The following ZNF839 variants were observed in gnomAD, a reference collection of about 807,000 sequenced individuals.
ZNF839 encodes the protein zinc finger protein 839, also known as renal carcinoma antigen NY-REN-50.
A neutral mutation model predicts 56.4 loss-of-function variants in ZNF839; 38 were observed. The ratio of observed to expected loss-of-function variants is 0.67; its 90% CI spans 0.52 to 0.88. The LOEUF (loss-of-function observed/expected upper bound fraction) is 0.88, where lower values mean the gene tolerates loss of function less well. Ranked by LOEUF, ZNF839 falls within the 40% of genes least tolerant of loss-of-function variation. The pLI, the probability that ZNF839 is intolerant of heterozygous loss-of-function variation, is 0.00. For synonymous variants in ZNF839, 486 were observed against 493.5 expected, an observed-to-expected ratio of 0.98 and a Z score of 0.20; for missense variants, 1,091 against 1,177.6, an observed-to-expected ratio of 0.93 and a Z score of 1.08.
At chr14:102,338,739 A>G in intron 5 of ZNF839, 77 bp from the exon 6 acceptor site, 1 of 1,591,128 alleles carries the variant, frequency 6.3e-7, no homozygotes, top group South Asian at 1.1e-5. Context: ...AAGTCGTTTA[A>G]TTCTTGCATG....
At chr14:102,329,690 TATTA>T (rs749337692) in intron 2 of ZNF839, among the ~76,000 whole-genome samples, 9 of 149,834 alleles carry the variant, frequency 6.0e-5, no homozygotes, top group Non-Finnish European at 1.0e-4. Flanking sequence ...TTGCCTCATT[TATTA>T]ATTCTAATAT....
intron 1 of ZNF839, 147 bp from the exon 2 acceptor site, chr14:102,325,838 C>A: frequency 2.1e-6 from 2 of 968,886 alleles, no homozygotes; most frequent in South Asian, 1.6e-5. Flanking sequence ...GAAAATACCA[C>A]CTTAGTACAA....
At chr14:102,334,318 A>G (rs1204829286) in intron 3 of ZNF839, among the ~76,000 whole-genome samples, 1 of 152,242 alleles carries the variant, frequency 6.6e-6, no homozygotes, top group African/African-American at 2.4e-5. Context: ...TCCTTATTCC[A>G]GGGCCTTGCC....
chr14:102,326,785 G>A lies in ZNF839; in HGVS notation c.1089G>A (p.Arg363=), dbSNP rs2073434495. 6.2e-7 allele frequency: 1 copy of A among 1,612,624 alleles called. No homozygotes were observed. The highest frequency in any genetic ancestry group is 8.5e-7 in the Non-Finnish European group (1 of 1,179,412). The change falls in exon 2 of 8, where the codon AGG becomes AGA. Residue 363 remains arginine (R), a synonymous_variant. Transcript: ENST00000442396. This position sits in a 1 kb window ranked among gnomAD's most constrained non-coding sequence, Gnocchi z 4.3. ...CCCTCCGGGGGTGCACGGAGGAAAG[G>A]ACGCTCAGCCTGACCTCCCTGGGGC... ...GSTLRGCTEE[R]TLSLTSLGLS...
At chr14:102,338,183 G>A (rs570391241) in intron 5 of ZNF839, among the ~76,000 whole-genome samples, 1 of 152,312 alleles carries the variant, frequency 6.6e-6, no homozygotes, top group African/African-American at 2.4e-5. Flanking sequence ...AGTTACTATG[G>A]TATCAGCTAA....
chr14:102,317,937 G>C (rs12878795), upstream of ZNF839, among the ~76,000 whole-genome samples: 5,085 of 152,266 alleles, frequency 0.033, 124 homozygotes, highest in Non-Finnish European at 0.045. Context: ...GTATAAGGTT[G>C]ATGCCATTTT....
intron 2 of ZNF839, among the ~76,000 whole-genome samples, chr14:102,331,037 G>C (rs1456367533): frequency 6.6e-6 from 1 of 152,154 alleles, no homozygotes; most frequent in Admixed American, 6.5e-5. Context: ...CTGAGCTGAT[G>C]AAACTGTGTT....
upstream of ZNF839, chr14:102,319,657 C>G: frequency 2.5e-6 from 3 of 1,203,860 alleles, no homozygotes; most frequent in Non-Finnish European, 3.1e-6. The surrounding 1 kb of genome is among the most constrained non-coding windows in gnomAD (Gnocchi z 4.5). Context: ...GGTCGCCTTC[C>G]TAGGTGTCTT....
chr14:102,319,610 TGG>T, upstream of ZNF839: 1 of 1,101,170 alleles, frequency 9.1e-7, no homozygotes. This position sits in a 1 kb window ranked among gnomAD's most constrained non-coding sequence, Gnocchi z 4.5. Context: ...GGTTGTCGGC[TGG>T]GGCGGGGCAC....
rs1296983145 is a variant in ZNF839 at position 102,334,553 on chromosome 14, G to A, written c.1417-1G>A. 1 of 1,607,976 alleles carries A rather than the reference G, an allele frequency of 6.2e-7. No homozygotes were observed. Among genetic ancestry groups the A allele is most frequent in the Non-Finnish European group, 8.5e-7 (1 of 1,176,838 alleles). On this transcript the variant is annotated splice_acceptor_variant, in intron 3 of 7. Transcript: ENST00000442396. LOFTEE classifies it high-confidence loss of function. ...AGGCATGAAATGCTTTCCCTTGGTAGTTCCTCCAGCAGTGTGACCGGGAGG... is the reference window on the plus strand; with the variant it reads ...AGGCATGAAATGCTTTCCCTTGGTAATTCCTCCAGCAGTGTGACCGGGAGG...
chr14:102,326,983 G>T lies in ZNF839; in HGVS notation c.1191+96G>T, dbSNP rs1414149517. On this transcript the variant is annotated intron_variant, in intron 2 of 7. Coordinates refer to ENST00000442396, the MANE Select transcript of ZNF839 (RefSeq NM_018335.6). This position sits in a 1 kb window ranked among gnomAD's most constrained non-coding sequence, Gnocchi z 4.3. ...ACCAGGTATTTTATAAAGAAAAGAGGGTTGGCTCACGGTTCCATAGACTGT... is the reference window on the plus strand; with the variant it reads ...ACCAGGTATTTTATAAAGAAAAGAGTGTTGGCTCACGGTTCCATAGACTGT... 8.9e-6 allele frequency: 12 copies of T among 1,352,682 alleles called. No individual in the cohort carries two copies. Among genetic ancestry groups the T allele is most frequent in the Non-Finnish European group, 1.2e-5 (12 of 1,020,512 alleles). 83.8% of individuals were successfully genotyped at this position (1,352,682 alleles called of 1,614,324 possible). A position where few individuals can be genotyped will look rare whatever the true frequency, so the allele number is the denominator to read the frequency against.
At chr14:102,328,579 C>T (rs990953400) in intron 2 of ZNF839, among the ~76,000 whole-genome samples, 3 of 151,316 alleles carry the variant, frequency 2.0e-5, no homozygotes, top group Non-Finnish European at 4.4e-5. Flanking sequence ...ACTAAAACTC[C>T]GAGCTTCACG....
chr14:102,339,150 C>T lies in ZNF839; in HGVS notation c.1854C>T (p.Asn618=), dbSNP rs770623884. 2.4e-5 allele frequency: 39 copies of T among 1,613,296 alleles called. No homozygotes were observed. The highest frequency in any genetic ancestry group is 6.6e-5 in the South Asian group (6 of 90,968). ...VKRPRREALS[N]DTTESLAANS... is the part of the protein sequence containing the mutation. ...GGCCCAGAAGAGAAGCCCTGTCCAACGATACCACTGAATCTCTTGCTGCCA... is the reference window on the plus strand; with the variant it reads ...GGCCCAGAAGAGAAGCCCTGTCCAATGATACCACTGAATCTCTTGCTGCCA... Residue 618 remains asparagine (N), a synonymous_variant, in exon 7 of 8, where the codon AAC becomes AAT. Transcript: ENST00000442396.
In ZNF839 at chr14:102,336,187, A is replaced by G. The variant is rs1287415458; in HGVS notation, c.1659+349A>G. 3.3e-5 allele frequency among the ~76,000 whole-genome samples: 5 copies of G among 151,304 alleles called. No individual in the cohort carries two copies. The Admixed American group carries it at 3.3e-4, about 10-fold the overall frequency. ...GAGACTCTGTCTCAAAAAACAAAAC[A>G]AAACCAAAAAAAAAAAAAACTCCAT... On this transcript the variant is annotated intron_variant, in intron 5 of 7. Transcript: ENST00000442396.
intron 3 of ZNF839, 148 bp from the exon 4 acceptor site, chr14:102,334,406 A>G: frequency 1.6e-6 from 1 of 623,350 alleles, no homozygotes; most frequent in African/African-American, 1.8e-5. Context: ...CAGGTGAAAT[A>G]GTTAATAAAG....
At chr14:102,319,670 C>A (rs1597702745), upstream of ZNF839, 1 of 1,206,870 alleles carries the variant, frequency 8.3e-7, no homozygotes, top group East Asian at 3.4e-5. This position sits in a 1 kb window ranked among gnomAD's most constrained non-coding sequence, Gnocchi z 4.5. Context: ...GGTGTCTTGG[C>A]CTGCGAGGCA....
Position 102,319,849 on chromosome 14 carries a change from C to A in ZNF839, c.84C>A (p.Gly28=). Residue 28 remains glycine, a synonymous_variant, in exon 1 of 8, where the codon GGC becomes GGA. Coordinates refer to ENST00000442396, the MANE Select transcript of ZNF839 (RefSeq NM_018335.6). This position sits in a 1 kb window ranked among gnomAD's most constrained non-coding sequence, Gnocchi z 4.5. ...GGGPAPPGQS[G]SVARVAPLGP... is the part of the protein sequence containing the mutation. ...GCCCGGCTCCTCCGGGCCAGAGCGG[C>A]AGCGTCGCACGTGTGGCCCCGCTGG... 7.9e-7 allele frequency: 1 copy of A among 1,261,732 alleles called. No individual in the cohort carries two copies. The highest frequency in any genetic ancestry group is 1.0e-6 in the Non-Finnish European group (1 of 1,005,012). The allele number at this position is 1,261,732 out of a possible 1,614,324, so 78.2% of individuals were successfully genotyped here. A position where few individuals can be genotyped will look rare whatever the true frequency, so the allele number is the denominator to read the frequency against.
Position 102,339,151 on chromosome 14 carries a change from G to C in ZNF839, c.1855G>C (p.Asp619His). Reference sequence around the variant, plus strand: ...GCCCAGAAGAGAAGCCCTGTCCAACGATACCACTGAATCTCTTGCTGCCAA... The same window carrying C: ...GCCCAGAAGAGAAGCCCTGTCCAACCATACCACTGAATCTCTTGCTGCCAA... Reference protein sequence around the residue: ...KRPRREALSNDTTESLAANSR... With the variant: ...KRPRREALSNHTTESLAANSR... The change falls in exon 7 of 8, where the codon GAT (aspartate) becomes CAT (histidine). Residue 619 changes from aspartate to histidine, a missense_variant. Transcript: ENST00000442396. 1 of 1,613,366 alleles carries C rather than the reference G, an allele frequency of 6.2e-7. No individual in the cohort carries two copies. Among genetic ancestry groups the C allele is most frequent in the Non-Finnish European group, 8.5e-7 (1 of 1,179,610 alleles).
Position 102,341,994 on chromosome 14 carries a change from G to C in ZNF839, c.2599G>C (p.Gly867Arg). ...AGAACTGGAGAGCGTGGTTGCTGTCGGCGAAGCCATGGCTTTTGAAATTTC... is the reference window on the plus strand; with the variant it reads ...AGAACTGGAGAGCGTGGTTGCTGTCCGCGAAGCCATGGCTTTTGAAATTTC... ...QRELESVVAV[G>R]EAMAFEISNG... The change falls in exon 8 of 8, where the codon GGC becomes CGC. Residue 867 changes from glycine to arginine, a missense_variant. Gly to Arg is a moderately radical substitution (Grantham distance 125). Coordinates refer to ENST00000442396, the MANE Select transcript of ZNF839 (RefSeq NM_018335.6). 6 of 1,613,976 alleles carry C rather than the reference G, an allele frequency of 3.7e-6. No individual in the cohort carries two copies. The highest frequency in any genetic ancestry group is 5.1e-6 in the Non-Finnish European group (6 of 1,179,864).
Sources: gnomAD v4.1 joint callset for allele counts (sites outside exome capture counted in the v4.1 genomes callset) on GRCh38, gnomAD v4.1.1 for gene constraint, Gnocchi (gnomAD v3.1) non-coding constraint, MANE v1.5 for transcripts, NCBI Gene and HGNC (gene_info 2026-07-23, HGNC 2026-07-21) for gene names.